CSMD1: variants seen among roughly 807,000 people sequenced by gnomAD.
CSMD1 encodes CUB and sushi domain-containing protein 1.
Under a neutral mutation model 417.5 loss-of-function variants are expected in CSMD1, and 213 were observed. That is an observed-to-expected ratio of 0.51 (90% CI 0.46 to 0.57). The LOEUF is 0.57. Ranked by LOEUF, CSMD1 falls within the 20% of genes least tolerant of loss-of-function variation. CSMD1 has a pLI of 0.00. For synonymous variants in CSMD1, 2,862 were observed against 1,736.8 expected (o/e 1.65, Z -16.11); for missense variants, 6,923 against 4,529.7 (o/e 1.53, Z -15.17).
intron 49 of CSMD1, among the ~76,000 whole-genome samples, chr8:3,060,064 C>T (rs761887918): frequency 6.6e-6 from 1 of 152,030 alleles, no homozygotes; most frequent in African/African-American, 2.4e-5. Context: ...GAATAAAGTA[C>T]TTTCCGGCTC....
rs1563064909 is a variant in CSMD1 at position 3,772,632 on chromosome 8, TA to T, written c.819-18591del. 3.4e-4 allele frequency among the ~76,000 whole-genome samples: 36 copies of T among 105,146 alleles called. 4 individuals carry two copies. The highest frequency in any genetic ancestry group is 9.3e-4 in the African/African-American group (18 of 19,380). 69.0% of individuals were successfully genotyped at this position (105,146 alleles called of 152,430 possible). A position where few individuals can be genotyped will look rare whatever the true frequency, so the allele number is the denominator to read the frequency against. On this transcript the variant is annotated intron_variant, in intron 5 of 69. Transcript: ENST00000635120. ...ATATTTATATACATATATACACATA[TA>T]TTTATATACATATATACATATATAC...
intron 3 of CSMD1, among the ~76,000 whole-genome samples, chr8:4,301,968 A>G (rs557864819): frequency 1.3e-5 from 2 of 152,208 alleles, no homozygotes; most frequent in African/African-American, 4.8e-5. Flanking sequence ...TTAGTGCCTC[A>G]AACTAGATCC....
chr8:4,246,227 T>C (rs976879406), intron 3 of CSMD1, among the ~76,000 whole-genome samples: 32 of 152,320 alleles, frequency 2.1e-4, no homozygotes, highest in African/African-American at 7.5e-4. Flanking sequence ...AGTGTGTTCA[T>C]GAGCTCTCAT....
At chr8:3,678,100 G>C (rs1054615253) in intron 7 of CSMD1, among the ~76,000 whole-genome samples, 3 of 152,092 alleles carry the variant, frequency 2.0e-5, no homozygotes, top group Non-Finnish European at 4.4e-5. Context: ...ACAGCTCCCA[G>C]AGTGAGCGAC....
At chr8:3,271,658 A>G (rs1255940441) in intron 26 of CSMD1, among the ~76,000 whole-genome samples, 3 of 152,116 alleles carry the variant, frequency 2.0e-5, no homozygotes, top group East Asian at 1.9e-4. Context: ...GTGGTTTTCA[A>G]TTTGCATTTC....
At position 3,553,499 on chromosome 8, in the gene CSMD1, G is replaced by A. The variant is rs149082806; in HGVS notation, c.1344+21446C>T. On this transcript the variant is annotated intron_variant, in intron 10 of 69. Transcript: ENST00000635120. Reference sequence around the variant, plus strand: ...AAGAAGATATTCCTAAGACAGCTGCGTCAAATCAACCATACTGTAGAAGCA... The same window carrying A: ...AAGAAGATATTCCTAAGACAGCTGCATCAAATCAACCATACTGTAGAAGCA... Among the ~76,000 whole-genome samples, 71 of 152,248 alleles carry A rather than the reference G, an allele frequency of 4.7e-4. 1 individual carries two copies. The South Asian group carries it at 7.0e-3, about 15-fold the overall frequency.
At chr8:4,403,152 G>A (rs1326096125) in intron 3 of CSMD1, among the ~76,000 whole-genome samples, 2 of 152,026 alleles carry the variant, frequency 1.3e-5, no homozygotes, top group Non-Finnish European at 2.9e-5. Flanking sequence ...ACTTTTTAAA[G>A]CTTCCACTTT....
chr8:4,203,985 C>G (rs771552463), intron 3 of CSMD1, among the ~76,000 whole-genome samples: 70 of 152,196 alleles, frequency 4.6e-4, no homozygotes, highest in Middle Eastern at 3.4e-3. Flanking sequence ...CCTGTGGTCC[C>G]AGCTACTCGG....
chr8:3,079,580 A>G (rs940373289), intron 49 of CSMD1, among the ~76,000 whole-genome samples: 1 of 152,204 alleles, frequency 6.6e-6, no homozygotes, highest in East Asian at 1.9e-4. Flanking sequence ...GATTTACAAA[A>G]TATCTCAGTT....
chr8:3,667,750 G>C (rs542081703), intron 7 of CSMD1, among the ~76,000 whole-genome samples: 13 of 152,182 alleles, frequency 8.5e-5, no homozygotes, highest in Non-Finnish European at 1.3e-4. Context: ...CAAGAGTTCT[G>C]AAAAGCAACC....
chr8:4,250,586 G>A (rs188500878), intron 3 of CSMD1, among the ~76,000 whole-genome samples: 82 of 152,200 alleles, frequency 5.4e-4, no homozygotes, highest in African/African-American at 1.8e-3. Flanking sequence ...ATAAACTCAT[G>A]TACGATTATA....
chr8:4,330,589 C>CAA (rs34787742), intron 3 of CSMD1, among the ~76,000 whole-genome samples: 4,652 of 143,556 alleles, frequency 0.032, 160 homozygotes, highest in African/African-American at 0.088. Flanking sequence ...AACCCTGTCT[C>CAA]AAAAAAAAAA....
At chr8:3,301,171 A>G (rs909347523) in intron 25 of CSMD1, among the ~76,000 whole-genome samples, 4 of 151,888 alleles carry the variant, frequency 2.6e-5, no homozygotes. Context: ...CATTAGTTTT[A>G]TAGACATAAA....
chr8:4,924,370 A>C (rs1317403238), intron 1 of CSMD1, among the ~76,000 whole-genome samples: 1 of 152,150 alleles, frequency 6.6e-6, no homozygotes, highest in Non-Finnish European at 1.5e-5. Flanking sequence ...TTCTATTTTT[A>C]TTGAATTAAA....
At chr8:4,133,713 T>A (rs555074553) in intron 3 of CSMD1, among the ~76,000 whole-genome samples, 1 of 152,182 alleles carries the variant, frequency 6.6e-6, no homozygotes, top group African/African-American at 2.4e-5. Flanking sequence ...TAAAGTGTAA[T>A]CTCAAGACTG....
At chr8:4,026,377 C>T (rs536606564) in intron 4 of CSMD1, among the ~76,000 whole-genome samples, 2 of 152,222 alleles carry the variant, frequency 1.3e-5, no homozygotes, top group African/African-American at 4.8e-5. Flanking sequence ...TAAAAGCACA[C>T]TGATCTCATT....
intron 10 of CSMD1, among the ~76,000 whole-genome samples, chr8:3,522,763 C>T (rs903847414): frequency 6.6e-6 from 1 of 151,906 alleles, no homozygotes. Context: ...AGTGCTCTAC[C>T]ACAATGCCCA....
chr8:3,032,438 G>T (rs1161843358), intron 50 of CSMD1, among the ~76,000 whole-genome samples: 4 of 151,950 alleles, frequency 2.6e-5, no homozygotes, highest in Admixed American at 2.6e-4. Context: ...CAGCCCCCAC[G>T]GAATGGTGGG....
intron 1 of CSMD1, among the ~76,000 whole-genome samples, chr8:4,989,120 G>C (rs1486083468): frequency 6.6e-6 from 1 of 152,290 alleles, no homozygotes; most frequent in East Asian, 1.9e-4. Flanking sequence ...CAGTTGTTCT[G>C]GAATGGACAA....
Sources: allele counts gnomAD v4.1 joint callset (sites outside exome capture counted in the v4.1 genomes callset), GRCh38; gene constraint gnomAD v4.1.1; transcripts MANE v1.5; gene names NCBI Gene and HGNC (gene_info 2026-07-23, HGNC 2026-07-21).